TSPOAP1: variants seen among roughly 807,000 people sequenced by gnomAD.
The protein encoded by TSPOAP1 is peripheral-type benzodiazepine receptor-associated protein 1.
In TSPOAP1, 87 loss-of-function variants were observed where a neutral mutation model predicts 197.0. The ratio of observed to expected loss-of-function variants is 0.44; its 90% confidence interval spans 0.37 to 0.53. The LOEUF is 0.53. Among genes scored for constraint, TSPOAP1 ranks in the 20% least tolerant of loss-of-function variants. The probability of loss-of-function intolerance (pLI) is 0.00; values close to 1 mark genes in which losing one functional copy is unlikely to be tolerated. For missense variants in TSPOAP1, 2,174 were observed against 2,411.3 expected (o/e 0.90, Z 2.06); for synonymous variants, 913 against 998.9 (o/e 0.91, Z 1.62).
chr17:58,326,198 C>G lies in TSPOAP1; in HGVS notation c.570+95G>C, dbSNP rs781527197. On this transcript the variant is annotated intron_variant, in intron 3 of 31. Transcript: ENST00000343736. The surrounding 1 kb of genome is among the most constrained non-coding windows in gnomAD (Gnocchi z 4.7). ...TGCTTTCCTAGGTGCTGAGCTGAGA[C>G]CGTGACTCCCAAGCTTCAGACAGCC... is the stretch of plus-strand genomic sequence containing the variant. 5 of 1,552,592 alleles carry G rather than the reference C, an allele frequency of 3.2e-6. No homozygotes were observed. In the Admixed American group the frequency reaches 7.5e-5, roughly 23 times the overall value.
chr17:58,315,871 C>T (rs1164236855), intron 16 of TSPOAP1, 152 bp downstream of exon 16: 7 of 701,752 alleles, frequency 1.0e-5, no homozygotes, highest in Non-Finnish European at 1.7e-5. Flanking sequence ...TTAAGGTGGG[C>T]TGAGCACGCT....
chr17:58,315,879 G>A (rs1039041596), intron 16 of TSPOAP1, 144 bp downstream of exon 16: 27 of 745,886 alleles, frequency 3.6e-5, no homozygotes, highest in South Asian at 1.0e-4. Context: ...GGCTGAGCAC[G>A]CTGGGCAGAG....
rs201968834 is a variant in TSPOAP1 at position 58,322,417 on chromosome 17, A to T, written c.1318-5T>A. 2 of 1,605,722 alleles carry T rather than the reference A, an allele frequency of 1.2e-6. No homozygotes were observed. Among genetic ancestry groups the T allele is most frequent in the Non-Finnish European group, 8.5e-7 (1 of 1,179,886 alleles). On this transcript the variant is annotated splice_polypyrimidine_tract_variant and splice_region_variant and intron_variant, in intron 9 of 31. Transcript: ENST00000343736. The surrounding 1 kb of genome is among the most constrained non-coding windows in gnomAD (Gnocchi z 5.0). ...CTGGGCCACCTCCCGCATGTGCTGA[A>T]ACACAAGATCTGAGTCAAGGCCAGA...
chr17:58,324,781 C>A lies in TSPOAP1; in HGVS notation c.942+30G>T. On this transcript the variant is annotated intron_variant, in intron 5 of 31. Coordinates refer to ENST00000343736, the MANE Select transcript of TSPOAP1 (RefSeq NM_004758.4). This position sits in a 1 kb window ranked among gnomAD's most constrained non-coding sequence, Gnocchi z 5.8. ...GTTCCCCCCACCCATCTGCACGCAC[C>A]CACACACCTGCCCTTGCGCCGGCGC... is the stretch of plus-strand genomic sequence containing the variant. 3 of 1,436,016 alleles carry A rather than the reference C, an allele frequency of 2.1e-6. No homozygotes were observed. The highest frequency in any genetic ancestry group is 2.7e-6 in the Non-Finnish European group (3 of 1,097,586). 89.0% of individuals were successfully genotyped at this position (1,436,016 alleles called of 1,614,324 possible).
rs148586326 is a variant in TSPOAP1, at chr17:58,327,795, G to A, written c.126C>T (p.Ile42=). ...GGEPSSAAPS[I]ADTPPAALQL... ...GCAGAGCTGCCGGAGGAGTATCAGC[G>A]ATGCTTGGGGCTGCACTGCTAGGTT... The change falls in exon 1 of 32, where the codon ATC becomes ATT. Residue 42 remains isoleucine, a synonymous_variant. Transcript: ENST00000343736. 1.9e-5 allele frequency: 30 copies of A among 1,614,044 alleles called. No individual in the cohort carries two copies. Among genetic ancestry groups the A allele is most frequent in the Middle Eastern group, 1.6e-4 (1 of 6,084 alleles).
rs766714166 is a variant in TSPOAP1, at chr17:58,327,831, A to G, written c.90T>C (p.Gly30=). The change falls in exon 1 of 32, where the codon GGT becomes GGC. Residue 30 remains glycine, a synonymous_variant. Coordinates refer to ENST00000343736, the MANE Select transcript of TSPOAP1 (RefSeq NM_004758.4). The stretch of plus-strand genomic sequence containing the variant: ...CTGCACTGCTAGGTTCACCCCCTCG[A>G]CCTGGAGTCCAGCTATGCCAGGTGG... ...ALPTWHSWTP[G]RGGEPSSAAP... is the part of the protein sequence containing the mutation. 6.2e-7 allele frequency: 1 copy of G among 1,613,882 alleles called. No individual in the cohort carries two copies.
intron 18 of TSPOAP1, 166 bp from the exon 19 acceptor site, chr17:58,311,379 T>C: frequency 3.2e-6 from 4 of 1,252,040 alleles, no homozygotes; most frequent in Non-Finnish European, 4.4e-6. Context: ...CTCCTGGCCA[T>C]ATGGCTTCAG....
Position 58,304,050 on chromosome 17 carries a change from CAT to C in TSPOAP1, c.*32+286_*32+287del, listed in dbSNP as rs57338897. The C allele has an allele frequency of 8.5e-3, 3,194 of 374,558 alleles. 72 individuals are homozygous for C. The highest frequency in any genetic ancestry group is 0.047 in the African/African-American group (2,323 of 49,106). The allele number at this position is 374,558 out of a possible 1,614,324, so 23.2% of individuals were successfully genotyped here. On this transcript the variant is annotated intron_variant, in intron 31 of 31. Transcript: ENST00000343736. The surrounding 1 kb of genome is among the most constrained non-coding windows in gnomAD (Gnocchi z 4.2). ...ATGTCACGTCATGTTCTATAAACCA[CAT>C]GTGTTATAGAATAGGAAGCATCAGC...
chr17:58,320,731 T>G, intron 10 of TSPOAP1, 150 bp from the exon 11 acceptor site: 9 of 517,030 alleles, frequency 1.7e-5, no homozygotes, highest in Non-Finnish European at 2.5e-5. Context: ...GGAAGAGGGA[T>G]AGGGAAGGGG....
rs2144031434 is a variant in TSPOAP1 at position 58,306,945 on chromosome 17, A to G, written c.5007T>C (p.Asp1669=). 2 of 1,612,882 alleles carry G rather than the reference A, an allele frequency of 1.2e-6. No individual in the cohort carries two copies. Among genetic ancestry groups the G allele is most frequent in the East Asian group, 2.2e-5 (1 of 44,888 alleles). ...ILKVFGDKDA[D]GFYQGEGGGR... ...CCCCACCTTCGCCCTGGTAGAAGCC[A>G]TCGGCATCCTTGTCCCCAAACACCT... The change falls in exon 25 of 32, where the codon GAT becomes GAC. Residue 1669 remains aspartate (D), a synonymous_variant. Transcript: ENST00000343736.
intron 25 of TSPOAP1, 106 bp from the exon 26 acceptor site, chr17:58,306,519 C>T (rs968587447): frequency 6.2e-6 from 7 of 1,134,168 alleles, no homozygotes; most frequent in East Asian, 5.2e-5. Flanking sequence ...GAGCTTGTTT[C>T]GTAAGGGCAT....
chr17:58,319,802 G>T (rs1475233637), intron 12 of TSPOAP1, among the ~76,000 whole-genome samples: 1 of 152,262 alleles, frequency 6.6e-6, no homozygotes, highest in African/African-American at 2.4e-5. Flanking sequence ...TCTGAGGAGA[G>T]TCCCAATAGC....
chr17:58,304,076 G>A lies in TSPOAP1; in HGVS notation c.*32+262C>T. ...ATGTGTTATAGAATAGGAAGCATCA[G>A]CTAATATGGGACATCACACACTAAG... On this transcript the variant is annotated intron_variant, in intron 31 of 31. Transcript: ENST00000343736. This position sits in a 1 kb window ranked among gnomAD's most constrained non-coding sequence, Gnocchi z 4.2. The A allele has an allele frequency of 2.2e-6, 1 of 457,786 alleles. No individual in the cohort carries two copies. Among genetic ancestry groups the A allele is most frequent in the Non-Finnish European group, 4.0e-6 (1 of 251,830 alleles). 28.4% of individuals were successfully genotyped at this position (457,786 alleles called of 1,614,324 possible).
Position 58,324,961 on chromosome 17 carries a change from C to A in TSPOAP1, c.792G>T (p.Leu264=), listed in dbSNP as rs1971529877. Residue 264 remains leucine (L), a synonymous_variant, in exon 5 of 32, where the codon CTG becomes CTT. Transcript: ENST00000343736. The surrounding 1 kb of genome is among the most constrained non-coding windows in gnomAD (Gnocchi z 5.8). ...GCACCTCCCGCTGGGACTCGCGCAG[C>A]AGCCGATCGAAGTCCCGCACGTGGA... ...QWLHVRDFDR[L]LRESQREVLR... 2 of 1,539,576 alleles carry A rather than the reference C, an allele frequency of 1.3e-6. No homozygotes were observed. The highest frequency in any genetic ancestry group is 1.7e-6 in the Non-Finnish European group (2 of 1,144,224).
At position 58,324,386 on chromosome 17, in the gene TSPOAP1, G is replaced by T. The variant is rs913904840; in HGVS notation, c.942+425C>A. Among the ~76,000 whole-genome samples, 4 of 152,060 alleles carry T rather than the reference G, an allele frequency of 2.6e-5. No individual in the cohort carries two copies. The highest frequency in any genetic ancestry group is 7.2e-5 in the African/African-American group (3 of 41,440). On this transcript the variant is annotated intron_variant, in intron 5 of 31. Transcript: ENST00000343736. The surrounding 1 kb of genome is among the most constrained non-coding windows in gnomAD (Gnocchi z 5.8). ...CTGGAGCCGGGGCGGACGCACCGCC[G>T]CCCCCGGGTAGCTGGGGCCAGGCCT... is the stretch of plus-strand genomic sequence containing the variant.
intron 19 of TSPOAP1, 24 bp downstream of exon 19, chr17:58,310,812 C>T: frequency 6.3e-7 from 1 of 1,577,462 alleles, no homozygotes. Context: ...CCTGCACCTG[C>T]TCCCCTCTCC....
intron 6 of TSPOAP1, 42 bp from the exon 7 acceptor site, chr17:58,323,423 A>T: frequency 6.2e-7 from 1 of 1,614,228 alleles, no homozygotes; most frequent in African/African-American, 1.3e-5. Context: ...GGGAAGGTAC[A>T]TCTGCCCACA....
chr17:58,314,999 T>G (rs188970176), intron 16 of TSPOAP1, among the ~76,000 whole-genome samples: 17 of 152,398 alleles, frequency 1.1e-4, no homozygotes, highest in Admixed American at 1.1e-3. Flanking sequence ...TCATTTGTGG[T>G]TAGTTAATAC....
At chr17:58,323,115 C>T in intron 7 of TSPOAP1, 76 bp from the exon 8 acceptor site, 2 of 1,535,094 alleles carry the variant, frequency 1.3e-6, no homozygotes, top group South Asian at 2.3e-5. Context: ...GGACCCTGCC[C>T]TCCTCCCAGG....
Sources: gnomAD v4.1 joint callset for allele counts (sites outside exome capture counted in the v4.1 genomes callset) on GRCh38, gnomAD v4.1.1 for gene constraint, Gnocchi (gnomAD v3.1) non-coding constraint, MANE v1.5 for transcripts, NCBI Gene and HGNC (gene_info 2026-07-23, HGNC 2026-07-21) for gene names.